The following CDH13 variants were observed in gnomAD, a reference collection of about 807,000 sequenced individuals.
The protein encoded by CDH13 is cadherin-13.
In CDH13, 24 loss-of-function variants were observed where a neutral mutation model predicts 63.8. The observed-to-expected ratio is 0.38, with a 90% CI of 0.27 to 0.53. The LOEUF is 0.53. CDH13 is among the 20% of genes least tolerant of loss of function. The pLI is 0.85. For synonymous variants in CDH13, 503 were observed against 355.3 expected (o/e 1.42, Z -4.67); for missense variants, 1,049 against 903.1 (o/e 1.16, Z -2.07).
At chr16:83,184,908 CGTGT>C (rs71854021) in intron 4 of CDH13, among the ~76,000 whole-genome samples, 2 of 133,932 alleles carry the variant, frequency 1.5e-5, no homozygotes, top group South Asian at 5.7e-4. Context: ...TGTGTGTGTG[CGTGT>C]GTGTGTGTAG....
At chr16:83,750,526 G>C (rs1264105510) in intron 11 of CDH13, among the ~76,000 whole-genome samples, 1 of 152,156 alleles carries the variant, frequency 6.6e-6, no homozygotes, top group Non-Finnish European at 1.5e-5. Flanking sequence ...TTGGAAGCAG[G>C]CTTGTTGCGG....
intron 4 of CDH13, among the ~76,000 whole-genome samples, chr16:83,137,564 C>CT (rs924146664): frequency 1.1e-4 from 16 of 152,004 alleles, no homozygotes; most frequent in African/African-American, 2.7e-4. Context: ...TCAGACAACG[C>CT]TTTTTTTTGT....
intron 3 of CDH13, among the ~76,000 whole-genome samples, chr16:83,051,910 A>G (rs1334048300): frequency 6.6e-6 from 1 of 152,080 alleles, no homozygotes; most frequent in Non-Finnish European, 1.5e-5. Context: ...TATTTGGACT[A>G]TGGTTTCTTT....
chr16:82,919,599 C>G (rs142121455), intron 2 of CDH13, among the ~76,000 whole-genome samples: 3 of 152,282 alleles, frequency 2.0e-5, no homozygotes, highest in African/African-American at 4.8e-5. Context: ...TTTTCTTTAT[C>G]CAGCTCACCA....
chr16:83,154,248 G>C (rs1013295482), intron 4 of CDH13, among the ~76,000 whole-genome samples: 3 of 152,032 alleles, frequency 2.0e-5, no homozygotes, highest in African/African-American at 7.2e-5. Context: ...CAATGAACCT[G>C]TCACATGAGA....
At chr16:82,706,190 A>G (rs1452451203) in intron 1 of CDH13, among the ~76,000 whole-genome samples, 1 of 151,948 alleles carries the variant, frequency 6.6e-6, no homozygotes, top group Non-Finnish European at 1.5e-5. Flanking sequence ...TCCCTTCACA[A>G]ACATTTATTC....
In CDH13 at chr16:82,794,636, G is replaced by T. The variant is rs562219720; in HGVS notation, c.46-63726G>T. On this transcript the variant is annotated intron_variant, in intron 1 of 13. Transcript: ENST00000567109. ...TCCAATCTCATTTTCTCAAACAGAAGCTTAATTTCTCTTTGACTGAAATGA... is the reference window on the plus strand; with the variant it reads ...TCCAATCTCATTTTCTCAAACAGAATCTTAATTTCTCTTTGACTGAAATGA... 2.0e-5 allele frequency among the ~76,000 whole-genome samples: 3 copies of T among 152,204 alleles called. No individual in the cohort carries two copies. The East Asian group carries it at 5.8e-4, about 29-fold the overall frequency.
chr16:83,279,362 C>T (rs971270655), intron 5 of CDH13, among the ~76,000 whole-genome samples: 2 of 152,166 alleles, frequency 1.3e-5, no homozygotes, highest in Non-Finnish European at 2.9e-5. Flanking sequence ...AAAATAGTCA[C>T]AATGCCGAGG....
At chr16:83,773,607 T>A (rs117674425) in intron 11 of CDH13, among the ~76,000 whole-genome samples, 1 of 152,070 alleles carries the variant, frequency 6.6e-6, no homozygotes, top group Non-Finnish European at 1.5e-5. Flanking sequence ...GGGATTACAA[T>A]TGGAGATGAG....
chr16:83,374,022 C>G (rs540383794), intron 6 of CDH13, among the ~76,000 whole-genome samples: 2 of 152,292 alleles, frequency 1.3e-5, no homozygotes, highest in African/African-American at 4.8e-5. Flanking sequence ...TCAGGCCAGC[C>G]TCTAAGGACA....
At chr16:83,616,776 G>A (rs879363499) in intron 8 of CDH13, among the ~76,000 whole-genome samples, 2 of 152,114 alleles carry the variant, frequency 1.3e-5, no homozygotes, top group Non-Finnish European at 2.9e-5. Flanking sequence ...ATTTTGTACT[G>A]AACAATTTTA....
At chr16:83,206,436 CAAT>C (rs1056580834) in intron 4 of CDH13, among the ~76,000 whole-genome samples, 17 of 152,334 alleles carry the variant, frequency 1.1e-4, no homozygotes, top group African/African-American at 4.1e-4. Flanking sequence ...TGACGTGCTG[CAAT>C]GGCAGATCCC....
intron 8 of CDH13, among the ~76,000 whole-genome samples, chr16:83,647,739 C>T (rs149166673): frequency 2.9e-4 from 44 of 152,126 alleles, no homozygotes; most frequent in Non-Finnish European, 8.8e-5. Context: ...ATCTGTGACA[C>T]GTGAAGAATA....
At chr16:83,246,309 T>A (rs1301988410) in intron 5 of CDH13, among the ~76,000 whole-genome samples, 17 of 152,152 alleles carry the variant, frequency 1.1e-4, no homozygotes, top group Non-Finnish European at 2.4e-4. Context: ...TGTTAGCAAA[T>A]TATAATTTTC....
intron 1 of CDH13, among the ~76,000 whole-genome samples, chr16:82,783,059 A>T (rs16958621): frequency 6.6e-6 from 1 of 152,220 alleles, no homozygotes; most frequent in East Asian, 1.9e-4. Context: ...ATAGATTGGA[A>T]GCAAATGCTT....
At chr16:83,448,597 C>T (rs2072782007) in intron 6 of CDH13, among the ~76,000 whole-genome samples, 1 of 152,136 alleles carries the variant, frequency 6.6e-6, no homozygotes, top group African/African-American at 2.4e-5. Context: ...GCCCTGTAAG[C>T]TTCAGCAGAT....
At chr16:82,701,235 T>C (rs2030989780) in intron 1 of CDH13, among the ~76,000 whole-genome samples, 1 of 152,172 alleles carries the variant, frequency 6.6e-6, no homozygotes. Flanking sequence ...AATCCACATC[T>C]CCTTTCAACC....
chr16:83,065,344 A>G (rs1320976900), intron 3 of CDH13, among the ~76,000 whole-genome samples: 4 of 152,196 alleles, frequency 2.6e-5, no homozygotes, highest in Non-Finnish European at 5.9e-5. Flanking sequence ...GAATGCTGGT[A>G]CAAAGATGGG....
chr16:82,914,253 T>A (rs2041918212), intron 2 of CDH13, among the ~76,000 whole-genome samples: 1 of 152,036 alleles, frequency 6.6e-6, no homozygotes, highest in South Asian at 2.1e-4. Flanking sequence ...TTGTTAGTAA[T>A]AATAATAATA....
Sources: allele counts gnomAD v4.1 joint callset (sites outside exome capture counted in the v4.1 genomes callset), GRCh38; gene constraint gnomAD v4.1.1; transcripts MANE v1.5; gene names NCBI Gene and HGNC (gene_info 2026-07-23, HGNC 2026-07-21).